NEB: variants seen among roughly 807,000 people sequenced by gnomAD.
NEB encodes nebulin, also known as nemaline myopathy type 2.
A neutral mutation model predicts 952.2 loss-of-function variants in NEB; 512 were observed. That is an observed-to-expected ratio of 0.54 (90% confidence interval 0.50 to 0.58). NEB has a LOEUF of 0.58. Among genes scored for constraint, NEB ranks in the 20% least tolerant of loss-of-function variants. The pLI is 0.00. For missense variants in NEB, 8,428 were observed against 9,231.1 expected (o/e 0.91, Z 3.56); for synonymous variants, 2,900 against 3,149.8 (o/e 0.92, Z 2.66).
intron 124 of NEB, among the ~76,000 whole-genome samples, chr2:151,555,721 G>A (rs1471797183): frequency 6.6e-6 from 1 of 152,078 alleles, no homozygotes; most frequent in Non-Finnish European, 1.5e-5. Context: ...AGAGAGATGG[G>A]AGTATATATT....
At chr2:151,529,564 T>C (rs1436690797) in intron 145 of NEB, among the ~76,000 whole-genome samples, 3 of 151,370 alleles carry the variant, frequency 2.0e-5, no homozygotes, top group African/African-American at 7.3e-5. Context: ...AGATTCTCTC[T>C]CTGTCACCCA....
intron 76 of NEB, among the ~76,000 whole-genome samples, chr2:151,615,620 T>C (rs970259865): frequency 6.6e-6 from 1 of 152,206 alleles, no homozygotes; most frequent in Admixed American, 6.5e-5. Flanking sequence ...ATATTGGCTG[T>C]TTCTCACATA....
chr2:151,716,373 G>A (rs1182459833), intron 10 of NEB, among the ~76,000 whole-genome samples: 1 of 152,094 alleles, frequency 6.6e-6, no homozygotes, highest in African/African-American at 2.4e-5. Flanking sequence ...TTCCTGACAG[G>A]TGATCAACCC....
rs200915591 is a variant in NEB at position 151,626,984 on chromosome 2, T to C, written c.10347+18A>G. 5.2e-4 allele frequency: 840 copies of C among 1,613,122 alleles called. 3 individuals are homozygous for C. The highest frequency in any genetic ancestry group is 4.7e-3 in the South Asian group (428 of 91,056). On this transcript the variant is annotated intron_variant, in intron 70 of 181. Transcript: ENST00000397345. ...GACATATAGCCCTGTCTTATTTTCC[T>C]ACAAATTGGGGGCTCACCTTGTTCA...
Position 151,541,447 on chromosome 2 carries a change from C to G in NEB, c.20682G>C (p.Gln6894His). ...CAGGCTTATGAACCTCTGAGCTTAC[C>G]TGACTCTGAAGCTTCTGCCCTCGCT... ...RAKRGQKLQS[Q>H]YLYVELATKE... Residue 6894 changes from glutamine to histidine, a missense_variant and splice_region_variant, in exon 136 of 182, where the codon CAG becomes CAC. Around this residue, in one of 11 missense-constraint regions of NEB, gnomAD observed 3,374 missense variants for 3,651.5 expected, o/e 0.92. Coordinates refer to ENST00000397345, the MANE Select transcript of NEB (RefSeq NM_001164508.2). 1.2e-6 allele frequency: 2 copies of G among 1,609,994 alleles called. No homozygotes were observed. Among genetic ancestry groups the G allele is most frequent in the Non-Finnish European group, 1.7e-6 (2 of 1,177,438 alleles).
chr2:151,554,628 A>C (rs983781112), intron 125 of NEB, among the ~76,000 whole-genome samples: 1 of 152,244 alleles, frequency 6.6e-6, no homozygotes, highest in African/African-American at 2.4e-5. Flanking sequence ...ATTTGAAGTA[A>C]GGTCTTTGGA....
At chr2:151,507,617 G>A (rs907785672) in intron 162 of NEB, 17 of 205,688 alleles carry the variant, frequency 8.3e-5, no homozygotes, top group Non-Finnish European at 1.1e-4. Flanking sequence ...TCACACTTCC[G>A]CATCTCTATC....
At chr2:151,707,429 A>C (rs1304269871) in intron 12 of NEB, among the ~76,000 whole-genome samples, 3 of 152,172 alleles carry the variant, frequency 2.0e-5, no homozygotes, top group African/African-American at 7.2e-5. Flanking sequence ...GCTCCTAAAG[A>C]AAGGAAGCTG....
chr2:151,650,444 C>G, intron 53 of NEB, 65 bp from the exon 54 acceptor site: 1 of 1,539,238 alleles, frequency 6.5e-7, no homozygotes. Flanking sequence ...TCAAGTGATT[C>G]TATGCATTAC....
At chr2:151,501,727 T>C (rs1272047264) in intron 167 of NEB, among the ~76,000 whole-genome samples, 6 of 152,084 alleles carry the variant, frequency 3.9e-5, no homozygotes, top group Admixed American at 2.6e-4. Flanking sequence ...GTGGCTTGAC[T>C]TATGTAGGCC....
intron 130 of NEB, 82 bp downstream of exon 130, chr2:151,549,554 G>A: frequency 2.2e-6 from 2 of 900,278 alleles, no homozygotes; most frequent in Non-Finnish European, 1.8e-6. Context: ...TGAGACTGGA[G>A]GATTAGAACA....
At chr2:151,708,999 ATAGCCAAGGCCAGGGT>A (rs2099735685) in intron 12 of NEB, among the ~76,000 whole-genome samples, 1 of 152,230 alleles carries the variant, frequency 6.6e-6, no homozygotes, top group Non-Finnish European at 1.5e-5. Context: ...TTTCTCCAGC[ATAGCCAAGGCCAGGGT>A]TAGAACCAAG....
rs374609793 is a variant in NEB, at chr2:151,592,094, G to T, written c.14766C>A (p.Asn4922Lys). ...GCATCAGGGGAGTGTCAGCTGGCAC[G>T]TTCACATTAGCCTTCTCTTTCTCCC... ...NAWEKEKANVNVPADTPLMLQ... is the reference protein window; with the variant it reads ...NAWEKEKANVKVPADTPLMLQ... Residue 4922 changes from asparagine to lysine, a missense_variant, in exon 95 of 182, where the codon AAC (asparagine) becomes AAA (lysine). This residue lies in a region of NEB where 13 missense variants were observed against 40.6 expected (regional missense o/e 0.32). Coordinates refer to ENST00000397345, the MANE Select transcript of NEB (RefSeq NM_001164508.2). 1.9e-6 allele frequency: 3 copies of T among 1,549,628 alleles called. No individual in the cohort carries two copies. The highest frequency in any genetic ancestry group is 2.3e-4 in the Middle Eastern group (1 of 4,360).
intron 153 of NEB, among the ~76,000 whole-genome samples, chr2:151,522,354 T>A (rs2082499757): frequency 6.6e-6 from 1 of 152,182 alleles, no homozygotes; most frequent in Non-Finnish European, 1.5e-5. Flanking sequence ...CTTCAGTATA[T>A]TAAAAATCAA....
rs746834957 is a variant in NEB at position 151,527,601 on chromosome 2, G to A, written c.21736-16C>T. The stretch of plus-strand genomic sequence containing the variant: ...TATAGTCCAGCTGTTTTTAACAGGA[G>A]AGAAAGGAATCACTTGATTCAGTAG... On this transcript the variant is annotated splice_polypyrimidine_tract_variant and intron_variant, in intron 146 of 181. Transcript: ENST00000397345. 1.3e-5 allele frequency: 21 copies of A among 1,588,020 alleles called. No individual in the cohort carries two copies. Among genetic ancestry groups the A allele is most frequent in the Non-Finnish European group, 1.7e-5 (20 of 1,160,312 alleles).
At chr2:151,662,583 T>C (rs2099160640) in intron 45 of NEB, among the ~76,000 whole-genome samples, 1 of 152,220 alleles carries the variant, frequency 6.6e-6, no homozygotes, top group African/African-American at 2.4e-5. Context: ...CAGAAATGTC[T>C]TTGTGACTTG....
intron 166 of NEB, 101 bp downstream of exon 166, chr2:151,503,248 C>T (rs3213817): frequency 0.016 from 13,552 of 854,500 alleles, 652 homozygotes; most frequent in East Asian, 0.14. Flanking sequence ...CACAGACACA[C>T]ACAGAATTGC....
rs750572050 is a variant in NEB at position 151,514,312 on chromosome 2, G to C, written c.23127+6C>G. 1.3e-6 allele frequency: 2 copies of C among 1,591,498 alleles called. No individual in the cohort carries two copies. The highest frequency in any genetic ancestry group is 1.7e-6 in the Non-Finnish European group (2 of 1,159,506). ...ATTACGTGCAGGCAGTCAGCTGTGG[G>C]CCTACCTCATTGAGGATTTGAGTGG... On this transcript the variant is annotated splice_donor_region_variant and intron_variant, in intron 159 of 181. Transcript: ENST00000397345.
intron 47 of NEB, among the ~76,000 whole-genome samples, chr2:151,658,415 C>A (rs1296502098): frequency 6.6e-6 from 1 of 151,886 alleles, no homozygotes; most frequent in Admixed American, 6.6e-5. Flanking sequence ...TACAAAACAG[C>A]CTTATTCTTA....
Sources: allele counts gnomAD v4.1 joint callset (sites outside exome capture counted in the v4.1 genomes callset), GRCh38; gene constraint gnomAD v4.1.1; regional missense constraint gnomAD v4.1.1; transcripts MANE v1.5; gene names NCBI Gene and HGNC (gene_info 2026-07-23, HGNC 2026-07-21).